The following PACS1 variants were observed in gnomAD, a reference collection of about 807,000 sequenced individuals.
The protein encoded by PACS1 is PACS-1.
A neutral mutation model predicts 115.0 loss-of-function variants in PACS1; 24 were observed. The ratio of observed to expected loss-of-function variants is 0.21; its 90% confidence interval spans 0.15 to 0.29. PACS1 has a LOEUF of 0.29. PACS1 is among the 10% of genes least tolerant of loss of function. The pLI is 1.00. For synonymous variants in PACS1, 453 were observed against 504.5 expected, an observed-to-expected ratio of 0.90 and a Z score of 1.37; for missense variants, 838 against 1,251.2, an observed-to-expected ratio of 0.67 and a Z score of 4.98.
chr11:66,223,093 A>AT (rs1452224204), intron 10 of PACS1, among the ~76,000 whole-genome samples: 2 of 137,940 alleles, frequency 1.4e-5, no homozygotes, highest in African/African-American at 5.3e-5. Context: ...TTCTAAATTT[A>AT]TTTTTTATTT....
intron 1 of PACS1, among the ~76,000 whole-genome samples, chr11:66,122,594 G>A (rs1294997178): frequency 6.6e-6 from 1 of 152,200 alleles, no homozygotes; most frequent in Non-Finnish European, 1.5e-5. Flanking sequence ...GGAGGTCAAA[G>A]TATCAACATC....
chr11:66,204,179 G>A (rs774144069), intron 2 of PACS1, among the ~76,000 whole-genome samples: 2 of 152,092 alleles, frequency 1.3e-5, no homozygotes, highest in African/African-American at 2.4e-5. Flanking sequence ...TATATAAGGA[G>A]CTCAAACAAC....
At chr11:66,225,620 A>G (rs1855456413) in intron 10 of PACS1, among the ~76,000 whole-genome samples, 2 of 152,224 alleles carry the variant, frequency 1.3e-5, no homozygotes, top group Admixed American at 1.3e-4. Context: ...TTTGTCAATT[A>G]TAGCTTAATA....
rs1855228552 is a variant in PACS1, at chr11:66,216,995, C to T, written c.978+220C>T. The T allele has an allele frequency of 9.3e-6, 5 of 537,064 alleles. 2 individuals are homozygous for T. The highest frequency in any genetic ancestry group is 6.3e-5 in the Admixed American group (2 of 31,998). The allele number at this position is 537,064 out of a possible 1,614,324, so 33.3% of individuals were successfully genotyped here. A position where few individuals can be genotyped will look rare whatever the true frequency, so the allele number is the denominator to read the frequency against. ...AAGAGTGTTATATCCTTCAGGTTAT[C>T]GTCAGATAGAAAAAAGGAGGAGAAC... On this transcript the variant is annotated intron_variant, in intron 7 of 23. Coordinates refer to ENST00000320580, the MANE Select transcript of PACS1 (RefSeq NM_018026.4).
intron 1 of PACS1, among the ~76,000 whole-genome samples, chr11:66,106,360 C>T (rs1214899143): frequency 6.6e-6 from 1 of 152,102 alleles, no homozygotes; most frequent in Admixed American, 6.6e-5. Context: ...TCACTTGAGG[C>T]CAGGAGTTCA....
intron 1 of PACS1, among the ~76,000 whole-genome samples, chr11:66,120,480 G>A (rs1239385436): frequency 1.3e-5 from 2 of 152,194 alleles, no homozygotes; most frequent in Non-Finnish European, 2.9e-5. Context: ...AAAGAGATAT[G>A]ACGTTCCTTT....
intron 10 of PACS1, among the ~76,000 whole-genome samples, chr11:66,225,225 C>G (rs763871469): frequency 1.3e-5 from 2 of 152,248 alleles, no homozygotes; most frequent in Non-Finnish European, 2.9e-5. Context: ...GGCCTACACT[C>G]TTACCCTTCA....
intron 2 of PACS1, among the ~76,000 whole-genome samples, chr11:66,208,658 T>TAAAAA (rs769442696): frequency 8.9e-6 from 1 of 112,546 alleles, no homozygotes; most frequent in Non-Finnish European, 1.8e-5. Flanking sequence ...CTCTTTTTAT[T>TAAAAA]AAAAAAAAAA....
intron 19 of PACS1, among the ~76,000 whole-genome samples, chr11:66,237,052 G>A (rs1855719342): frequency 6.6e-6 from 1 of 152,208 alleles, no homozygotes. Flanking sequence ...CCGAGTAGCT[G>A]GGATTACAGG....
intron 1 of PACS1, among the ~76,000 whole-genome samples, chr11:66,099,651 T>G (rs1284941887): frequency 6.6e-6 from 1 of 151,566 alleles, no homozygotes; most frequent in Non-Finnish European, 1.5e-5. Flanking sequence ...GCTCAAGTCA[T>G]CCTCCCACCT....
At position 66,088,212 on chromosome 11, in the gene PACS1, C is replaced by T. The variant is rs370884366; in HGVS notation, c.356+17370C>T. On this transcript the variant is annotated intron_variant, in intron 1 of 23. Coordinates refer to ENST00000320580, the MANE Select transcript of PACS1 (RefSeq NM_018026.4). ...TATTTTTATGACGATATCAAGCAAC[C>T]TTTTTACTCTTTCAGTGGTGTCTTT... 1.8e-4 allele frequency among the ~76,000 whole-genome samples: 27 copies of T among 151,800 alleles called. 2 individuals carry two copies. In the East Asian group the frequency reaches 3.7e-3, roughly 21 times the overall value.
intron 1 of PACS1, among the ~76,000 whole-genome samples, chr11:66,090,889 G>A (rs934177024): frequency 3.9e-5 from 6 of 152,132 alleles, no homozygotes; most frequent in Admixed American, 3.9e-4. Flanking sequence ...CCTGTTAGTG[G>A]ATAAAAAGAT....
chr11:66,076,946 C>G (rs989566780), intron 1 of PACS1, among the ~76,000 whole-genome samples: 2 of 152,196 alleles, frequency 1.3e-5, no homozygotes, highest in South Asian at 2.1e-4. Flanking sequence ...GGCCATCAAG[C>G]AAGGTGGGCA....
chr11:66,169,292 G>A (rs896054462), intron 1 of PACS1, among the ~76,000 whole-genome samples: 1 of 150,644 alleles, frequency 6.6e-6, no homozygotes, highest in Non-Finnish European at 1.5e-5. Flanking sequence ...CTGTTGAAAT[G>A]ATAATATATT....
At chr11:66,081,859 AT>A (rs373101565) in intron 1 of PACS1, among the ~76,000 whole-genome samples, 15 of 151,798 alleles carry the variant, frequency 9.9e-5, no homozygotes, top group African/African-American at 3.1e-4. Context: ...AATGTAGTTA[AT>A]TTTTTTTTCT....
chr11:66,128,896 A>C (rs547504148), intron 1 of PACS1, among the ~76,000 whole-genome samples: 51 of 151,592 alleles, frequency 3.4e-4, no homozygotes, highest in African/African-American at 1.1e-3. Flanking sequence ...AAAAAAAAAA[A>C]AATGTGAGTG....
chr11:66,230,627 C>G lies in PACS1; in HGVS notation c.1454C>G (p.Ser485Cys), dbSNP rs746282880. The part of the protein sequence containing the change: ...VPEKVKTPMK[S>C]SKTDLQGSAS... ...GAGAAAGTCAAAACTCCCATGAAGT[C>G]CAGTAAAACGGATCTCCAGGGCTCT... Residue 485 changes from serine (S) to cysteine (C), a missense_variant, in exon 12 of 24, where the codon TCC (serine) becomes TGC (cysteine). Physicochemically the swap from Ser to Cys is moderately radical, Grantham distance 112. Coordinates refer to ENST00000320580, the MANE Select transcript of PACS1 (RefSeq NM_018026.4). 1 of 1,614,030 alleles carries G rather than the reference C, an allele frequency of 6.2e-7. No homozygotes were observed. The highest frequency in any genetic ancestry group is 8.5e-7 in the Non-Finnish European group (1 of 1,179,904).
chr11:66,136,522 T>A lies in PACS1; in HGVS notation c.357-56964T>A, dbSNP rs554015278. ...TTTATGGAGCTGTGATAGCCCATCA[T>A]TATTTGATTTATTCTCCTATCTTTT... On this transcript the variant is annotated intron_variant, in intron 1 of 23. Transcript: ENST00000320580. 1.1e-4 allele frequency among the ~76,000 whole-genome samples: 16 copies of A among 152,240 alleles called. No individual in the cohort carries two copies. The South Asian group carries it at 2.7e-3, about 26-fold the overall frequency.
At chr11:66,231,129 A>T (rs1412215391) in intron 13 of PACS1, among the ~76,000 whole-genome samples, 189 bp downstream of exon 13, 1 of 152,254 alleles carries the variant, frequency 6.6e-6, no homozygotes, top group African/African-American at 2.4e-5. Flanking sequence ...GCCAGTGTGG[A>T]ACTGGCTTCC....
Sources: gnomAD v4.1 joint callset for allele counts (sites outside exome capture counted in the v4.1 genomes callset) on GRCh38, gnomAD v4.1.1 for gene constraint, MANE v1.5 for transcripts, NCBI Gene and HGNC (gene_info 2026-07-23, HGNC 2026-07-21) for gene names.